CYFIP2: variants seen among roughly 807,000 people sequenced by gnomAD.
The protein encoded by CYFIP2 is cytoplasmic FMR1 interacting protein 2, also known as cytoplasmic FMR1-interacting protein 2.
A neutral mutation model predicts 158.7 loss-of-function variants in CYFIP2; 29 were observed. The observed-to-expected ratio is 0.18, with a 90% confidence interval of 0.14 to 0.25. The LOEUF is 0.25. Among genes scored for constraint, CYFIP2 ranks in the 10% least tolerant of loss-of-function variants. CYFIP2 has a pLI of 1.00. For missense variants in CYFIP2, 852 were observed against 1,639.5 expected (o/e 0.52, Z 8.29); for synonymous variants, 585 against 617.6 (o/e 0.95, Z 0.78).
At chr5:157,354,530 G>T (rs1033311608) in intron 23 of CYFIP2, among the ~76,000 whole-genome samples, 1 of 151,910 alleles carries the variant, frequency 6.6e-6, no homozygotes, top group African/African-American at 2.4e-5. Flanking sequence ...TTCAGCATGC[G>T]TGTGCATTTC....
At chr5:157,339,458 T>C (rs968523295) in intron 22 of CYFIP2, among the ~76,000 whole-genome samples, 1 of 47,340 alleles carries the variant, frequency 2.1e-5, no homozygotes, top group African/African-American at 2.8e-4. Flanking sequence ...AACAATTAGG[T>C]CTTCTTTCAT....
chr5:157,286,965 C>T, intron 2 of CYFIP2, 54 bp from the exon 3 acceptor site: 1 of 1,482,316 alleles, frequency 6.7e-7, no homozygotes, highest in Non-Finnish European at 9.3e-7. Context: ...GACACCCAGC[C>T]AACTTGGAAC....
chr5:157,278,511 C>G (rs1034626188), intron 1 of CYFIP2, among the ~76,000 whole-genome samples: 1 of 152,250 alleles, frequency 6.6e-6, no homozygotes, highest in Non-Finnish European at 1.5e-5. Flanking sequence ...ACCTCTGCCA[C>G]TAGCTGACCA....
At chr5:157,375,859 A>C (rs930432255) in intron 26 of CYFIP2, 3 of 151,980 alleles carry the variant, frequency 2.0e-5, no homozygotes, top group African/African-American at 4.8e-5. Flanking sequence ...AGCGCTTAAG[A>C]AGCAGGTCCT....
intron 9 of CYFIP2, among the ~76,000 whole-genome samples, chr5:157,308,256 G>T (rs542426369): frequency 1.3e-5 from 2 of 151,680 alleles, no homozygotes; most frequent in African/African-American, 2.4e-5. Context: ...ATCAGAGCTC[G>T]CAGAAGTAGA....
rs1023269971 is a variant in CYFIP2 at position 157,339,941 on chromosome 5, C to G, written c.2585+685C>G. 2.0e-5 allele frequency among the ~76,000 whole-genome samples: 3 copies of G among 152,154 alleles called. 1 individual carries two copies. The South Asian group carries it at 6.2e-4, about 31-fold the overall frequency. ...AGTACTCTACAGGCCAGGGCAGGATCGTGCATTTTTATTAACCCTGAAAGA... is the reference window on the plus strand; with the variant it reads ...AGTACTCTACAGGCCAGGGCAGGATGGTGCATTTTTATTAACCCTGAAAGA... On this transcript the variant is annotated intron_variant, in intron 22 of 30. Coordinates refer to ENST00000620254, the MANE Select transcript of CYFIP2 (RefSeq NM_001037333.3).
intron 29 of CYFIP2, among the ~76,000 whole-genome samples, chr5:157,390,243 T>C (rs1581212809): frequency 6.6e-6 from 1 of 151,894 alleles, no homozygotes; most frequent in African/African-American, 2.4e-5. Flanking sequence ...GGGTTTTTCC[T>C]TGCAAATTCA....
At chr5:157,381,905 C>T (rs766021291) in intron 26 of CYFIP2, among the ~76,000 whole-genome samples, 7 of 150,606 alleles carry the variant, frequency 4.6e-5, no homozygotes, top group Non-Finnish European at 1.0e-4. Context: ...CTCCAGACTC[C>T]TTCCCTCCCC....
intron 16 of CYFIP2, chr5:157,324,659 A>G (rs982765057): frequency 2.0e-5 from 3 of 152,170 alleles, no homozygotes; most frequent in African/African-American, 7.2e-5. Context: ...GGATCTGGCA[A>G]TTATCACACG....
intron 1 of CYFIP2, among the ~76,000 whole-genome samples, chr5:157,278,158 C>G (rs1756711484): frequency 6.6e-6 from 1 of 151,102 alleles, no homozygotes; most frequent in South Asian, 2.1e-4. Flanking sequence ...ATTTATATAT[C>G]TATATAATAT....
intron 3 of CYFIP2, among the ~76,000 whole-genome samples, chr5:157,293,682 C>T (rs954435090): frequency 6.6e-5 from 10 of 152,120 alleles, no homozygotes; most frequent in African/African-American, 2.4e-4. Context: ...ATAATGTAAT[C>T]ACCTGATGGG....
At chr5:157,275,638 C>T (rs1756483671) in intron 1 of CYFIP2, among the ~76,000 whole-genome samples, 1 of 152,088 alleles carries the variant, frequency 6.6e-6, no homozygotes, top group South Asian at 2.1e-4. Flanking sequence ...TGAGTGAGTC[C>T]CTTGAATTTC....
chr5:157,331,103 T>C (rs1761423295), intron 20 of CYFIP2, among the ~76,000 whole-genome samples: 1 of 152,122 alleles, frequency 6.6e-6, no homozygotes, highest in South Asian at 2.1e-4. Context: ...AACCAAAGCC[T>C]TTGTCTTCTC....
At chr5:157,299,627 G>C (rs76141264) in intron 5 of CYFIP2, among the ~76,000 whole-genome samples, 1 of 152,134 alleles carries the variant, frequency 6.6e-6, no homozygotes, top group East Asian at 1.9e-4. Flanking sequence ...TAGGCCAGGC[G>C]TGGTGGTTCA....
rs1415929389 is a variant in CYFIP2, at chr5:157,330,759, G to A, written c.2174G>A (p.Arg725His). 1.9e-6 allele frequency: 3 copies of A among 1,613,954 alleles called. No homozygotes were observed. Among genetic ancestry groups the A allele is most frequent in the Admixed American group, 1.7e-5 (1 of 60,022 alleles). ...AMAGSVLLDK[R>H]FRAECKNYGV... Reference sequence around the variant, plus strand: ...CCTTGCAGTGTCCTGTTGGATAAACGTTTTCGAGCTGAGTGTAAGAATTAT... The same window carrying A: ...CCTTGCAGTGTCCTGTTGGATAAACATTTTCGAGCTGAGTGTAAGAATTAT... The change falls in exon 20 of 31, where the codon CGT (arginine) becomes CAT (histidine). Residue 725 changes from arginine to histidine, a missense_variant. Coordinates refer to ENST00000620254, the MANE Select transcript of CYFIP2 (RefSeq NM_001037333.3).
rs906266369 is a variant in CYFIP2 at position 157,393,579 on chromosome 5, C to T, written c.*579C>T. ...TTCCCAAAGCCCCATTCTAACTCCC[C>T]TCTCTCAGGGAAGCCCTAGAGAGAG... On this transcript the variant is annotated 3_prime_UTR_variant, in exon 31 of 31. Transcript: ENST00000620254. The T allele has an allele frequency of 6.7e-6, 1 of 148,468 alleles. No individual in the cohort carries two copies. The allele number at this position is 148,468 out of a possible 1,614,324, so 9.2% of individuals were successfully genotyped here.
intron 20 of CYFIP2, among the ~76,000 whole-genome samples, chr5:157,332,289 A>G (rs184861307): frequency 1.7e-4 from 26 of 152,348 alleles, no homozygotes; most frequent in African/African-American, 4.8e-4. Context: ...CAGATTTGCA[A>G]TTATTAATGT....
chr5:157,314,228 C>T (rs573253841), intron 11 of CYFIP2, 116 bp from the exon 12 acceptor site: 2 of 1,309,704 alleles, frequency 1.5e-6, no homozygotes, highest in Non-Finnish European at 2.0e-6. Flanking sequence ...CTCAGTTTAT[C>T]TGTCAAGGGG....
intron 23 of CYFIP2, among the ~76,000 whole-genome samples, chr5:157,344,674 C>T (rs931946328): frequency 2.6e-5 from 4 of 152,190 alleles, no homozygotes; most frequent in Non-Finnish European, 5.9e-5. Context: ...AGTCAGCCTA[C>T]GCATATTCAC....
Sources: gnomAD v4.1 joint callset for allele counts (sites outside exome capture counted in the v4.1 genomes callset) on GRCh38, gnomAD v4.1.1 for gene constraint, MANE v1.5 for transcripts, NCBI Gene and HGNC (gene_info 2026-07-23, HGNC 2026-07-21) for gene names.